EPM2A: variants seen among roughly 807,000 people sequenced by gnomAD.
EPM2A encodes the protein laforin.
A neutral mutation model predicts 26.5 loss-of-function variants in EPM2A; 21 were observed. The observed-to-expected ratio is 0.79, with a 90% confidence interval of 0.56 to 1.14. The LOEUF is 1.14. Among genes scored for constraint, EPM2A ranks in the 50% most tolerant of loss-of-function variants. The pLI, the probability that EPM2A is intolerant of heterozygous loss-of-function variation, is 0.00. For synonymous variants in EPM2A, 217 were observed against 177.6 expected (o/e 1.22, Z -1.76); for missense variants, 458 against 440.8 (o/e 1.04, Z -0.35).
chr6:145,691,198 G>A (rs756087604), intron 1 of EPM2A, among the ~76,000 whole-genome samples: 14 of 151,962 alleles, frequency 9.2e-5, no homozygotes, highest in African/African-American at 1.9e-4. Flanking sequence ...AATCAATACC[G>A]AGACATGACA....
chr6:145,719,967 C>T (rs755642091), intron 1 of EPM2A, among the ~76,000 whole-genome samples: 32 of 152,100 alleles, frequency 2.1e-4, no homozygotes, highest in African/African-American at 6.8e-4. Context: ...AAAGTTAACA[C>T]ATTTTTGTAT....
intron 2 of EPM2A, among the ~76,000 whole-genome samples, chr6:145,606,567 GT>G (rs909032876): frequency 6.6e-6 from 1 of 152,062 alleles, no homozygotes; most frequent in Non-Finnish European, 1.5e-5. Flanking sequence ...TTGCTTCATA[GT>G]TTTTTATTGA....
intron 2 of EPM2A, among the ~76,000 whole-genome samples, chr6:145,641,485 T>C (rs951756667): frequency 3.3e-5 from 5 of 152,190 alleles, no homozygotes; most frequent in African/African-American, 1.2e-4. Flanking sequence ...AATAATAAGC[T>C]TCTATTGTTT....
intron 1 of EPM2A, among the ~76,000 whole-genome samples, chr6:145,688,840 T>C (rs546433700): frequency 6.6e-6 from 1 of 152,262 alleles, no homozygotes; most frequent in African/African-American, 2.4e-5. Flanking sequence ...AGTGTAAACA[T>C]AGACTACAAA....
At chr6:145,727,415 T>A (rs1270440309) in intron 1 of EPM2A, among the ~76,000 whole-genome samples, 1 of 152,094 alleles carries the variant, frequency 6.6e-6, no homozygotes, top group South Asian at 2.1e-4. Context: ...TTCTTATTTA[T>A]ATAACAGAGA....
At chr6:145,722,669 A>G (rs1583127651) in intron 1 of EPM2A, 1 of 401,322 alleles carries the variant, frequency 2.5e-6, no homozygotes, top group Non-Finnish European at 4.8e-6. Flanking sequence ...AATTCATATA[A>G]AAGTCCTAAC....
At chr6:145,657,560 T>G (rs1299549975) in intron 2 of EPM2A, among the ~76,000 whole-genome samples, 2 of 152,234 alleles carry the variant, frequency 1.3e-5, no homozygotes, top group Non-Finnish European at 2.9e-5. Flanking sequence ...ATTTATAATC[T>G]TCTCTGTTTC....
chr6:145,686,139 T>C lies in EPM2A; in HGVS notation c.459A>G (p.Gln153=). 6.2e-7 allele frequency: 1 copy of C among 1,613,850 alleles called. No individual in the cohort carries two copies. Among genetic ancestry groups the C allele is most frequent in the Non-Finnish European group, 8.5e-7 (1 of 1,179,804 alleles). The change falls in exon 2 of 4, where the codon CAA becomes CAG. Residue 153 remains glutamine, a synonymous_variant. Transcript: ENST00000367519. ...TDFYFNIAGH[Q]AMHYSRILPN... ...ATTTTTACCTTGAATAATGCATGGC[T>C]TGGTGGCCTGCAATATTAAAATAGA...
intron 4 of EPM2A, among the ~76,000 whole-genome samples, chr6:145,385,111 T>G (rs2114652072): frequency 1.4e-5 from 2 of 148,122 alleles, no homozygotes; most frequent in Middle Eastern, 6.9e-3. Flanking sequence ...GATAAGAATT[T>G]TTCTCTTAAA....
chr6:145,506,501 A>G (rs1422207041), intron 2 of EPM2A, among the ~76,000 whole-genome samples: 1 of 152,042 alleles, frequency 6.6e-6, no homozygotes, highest in Admixed American at 6.5e-5. Context: ...AAATTATTGT[A>G]TATACACAAG....
intron 4 of EPM2A, among the ~76,000 whole-genome samples, chr6:145,438,815 C>T (rs561289128): frequency 9.9e-5 from 15 of 152,226 alleles, no homozygotes; most frequent in Non-Finnish European, 1.9e-4. Flanking sequence ...ATTTTAGGTT[C>T]AGGGGCACAT....
chr6:145,672,509 C>A, intron 2 of EPM2A, among the ~76,000 whole-genome samples: 1 of 152,156 alleles, frequency 6.6e-6, no homozygotes, highest in East Asian at 1.9e-4. Context: ...ATGGGTACCA[C>A]CAGATACTTT....
chr6:145,734,850 A>C, intron 1 of EPM2A: 1 of 159,794 alleles, frequency 6.3e-6, no homozygotes, highest in Non-Finnish European at 1.4e-5. Context: ...CCCGGGCGGG[A>C]GACGAAGGGC....
rs409121 is a variant in EPM2A, at chr6:145,518,657, G to T, written c.341-16082C>A. Among the ~76,000 whole-genome samples the T allele has an allele frequency of 7.8e-3, 1,145 of 147,568 alleles. 17 individuals are homozygous for T. The highest frequency in any genetic ancestry group is 0.027 in the African/African-American group (1,091 of 39,738). ...TTTTGACATAGTAAGTCTACTAATC[G>T]CTTTTTGTGACTGGAATTAGCCAAC... On this transcript the variant is annotated intron_variant, in intron 2 of 3. Transcript: ENST00000450221.
chr6:145,570,402 C>T (rs974434549), intron 2 of EPM2A, among the ~76,000 whole-genome samples: 1 of 152,200 alleles, frequency 6.6e-6, no homozygotes, highest in African/African-American at 2.4e-5. Context: ...CAACCCAAAG[C>T]TATTACATAA....
intron 4 of EPM2A, among the ~76,000 whole-genome samples, chr6:145,428,273 A>G (rs573549094): frequency 5.3e-5 from 8 of 152,254 alleles, no homozygotes; most frequent in African/African-American, 1.7e-4. Flanking sequence ...TAAGTTCTAT[A>G]TCACTGTTCC....
intron 2 of EPM2A, among the ~76,000 whole-genome samples, chr6:145,678,604 C>T (rs1780251334): frequency 6.6e-6 from 1 of 152,212 alleles, no homozygotes; most frequent in African/African-American, 2.4e-5. Flanking sequence ...TGAACAGACA[C>T]TTCTCAAAAG....
chr6:145,550,776 T>A (rs1780644412), intron 2 of EPM2A, among the ~76,000 whole-genome samples: 1 of 152,082 alleles, frequency 6.6e-6, no homozygotes, highest in African/African-American at 2.4e-5. Flanking sequence ...TTCATATGGT[T>A]TTCTTAATAA....
At chr6:145,538,532 C>A (rs1259881967) in intron 2 of EPM2A, among the ~76,000 whole-genome samples, 1 of 152,196 alleles carries the variant, frequency 6.6e-6, no homozygotes, top group Non-Finnish European at 1.5e-5. Flanking sequence ...ATCAGCAATT[C>A]TGGTTTCATG....
Sources: gnomAD v4.1 joint callset for allele counts (sites outside exome capture counted in the v4.1 genomes callset) on GRCh38, gnomAD v4.1.1 for gene constraint, MANE v1.5 for transcripts, NCBI Gene and HGNC (gene_info 2026-07-23, HGNC 2026-07-21) for gene names.